Variants in GABRB1 observed in about 807,000 individuals in gnomAD.
The protein encoded by GABRB1 is gamma-aminobutyric acid receptor subunit beta-1.
A neutral mutation model predicts 51.6 loss-of-function variants in GABRB1; 17 were observed. That is an observed-to-expected ratio of 0.33 (90% CI 0.23 to 0.49). GABRB1 has a LOEUF of 0.49. GABRB1 is among the 20% of genes least tolerant of loss of function. The pLI is 0.99. For missense variants in GABRB1, 410 were observed against 600.6 expected (o/e 0.68, Z 3.32); for synonymous variants, 247 against 218.9 (o/e 1.13, Z -1.14).
chr4:47,294,851 C>A (rs1723906043), intron 4 of GABRB1, among the ~76,000 whole-genome samples: 1 of 152,340 alleles, frequency 6.6e-6, no homozygotes, highest in East Asian at 1.9e-4. Flanking sequence ...AACTGGGAGG[C>A]ACCCCACAGT....
intron 3 of GABRB1, among the ~76,000 whole-genome samples, chr4:47,038,503 A>AT (rs1005215473): frequency 3.3e-5 from 5 of 152,186 alleles, no homozygotes; most frequent in African/African-American, 9.7e-5. Flanking sequence ...TGAAGTAATA[A>AT]TTTTTTTAAC....
chr4:47,056,792 C>T lies in GABRB1; in HGVS notation c.240+24308C>T, dbSNP rs141689580. On this transcript the variant is annotated intron_variant, in intron 3 of 8. Transcript: ENST00000295454. ...ATGAGCGAAAGAGACAGAAAGAGAT[C>T]GTTATTGAGAAATCATCTATAAGAT... 7.9e-3 allele frequency among the ~76,000 whole-genome samples: 1,209 copies of T among 152,184 alleles called. 9 individuals are homozygous for T. Among genetic ancestry groups the T allele is most frequent in the Admixed American group, 0.016 (243 of 15,282 alleles).
At chr4:47,244,148 G>C (rs972877541) in intron 4 of GABRB1, among the ~76,000 whole-genome samples, 1 of 152,138 alleles carries the variant, frequency 6.6e-6, no homozygotes, top group East Asian at 1.9e-4. Flanking sequence ...TAATTATGTG[G>C]TTTTTGTCTT....
At chr4:47,028,230 A>G (rs1228723131), upstream of GABRB1, among the ~76,000 whole-genome samples, 1 of 151,740 alleles carries the variant, frequency 6.6e-6, no homozygotes, top group Non-Finnish European at 1.5e-5. Context: ...TATGGGGTAC[A>G]TGAGATGTTT....
At chr4:47,086,361 A>G in intron 3 of GABRB1, among the ~76,000 whole-genome samples, 1 of 152,312 alleles carries the variant, frequency 6.6e-6, no homozygotes, top group South Asian at 2.1e-4. Context: ...ATAATAATTG[A>G]TTATAAAATT....
intron 5 of GABRB1, among the ~76,000 whole-genome samples, chr4:47,369,237 G>A (rs1578127366): frequency 6.6e-6 from 1 of 152,170 alleles, no homozygotes; most frequent in Admixed American, 6.5e-5. Flanking sequence ...GTGGACAGAG[G>A]ATAGGACTGG....
chr4:47,137,573 A>G (rs1716726196), intron 3 of GABRB1, among the ~76,000 whole-genome samples: 1 of 152,152 alleles, frequency 6.6e-6, no homozygotes, highest in Non-Finnish European at 1.5e-5. Flanking sequence ...TTTTCTCTTT[A>G]GTTCAAAATA....
chr4:46,997,500 C>T (rs1289744293), intron 1 of GABRB1, among the ~76,000 whole-genome samples: 2 of 151,620 alleles, frequency 1.3e-5, no homozygotes, highest in African/African-American at 2.4e-5. Context: ...CTCCTAAATT[C>T]CCCCCTACCA....
intron 4 of GABRB1, among the ~76,000 whole-genome samples, chr4:47,248,270 A>G (rs1187953933): frequency 6.6e-6 from 1 of 152,112 alleles, no homozygotes; most frequent in East Asian, 1.9e-4. Flanking sequence ...GCATCTATTG[A>G]GATGATCATG....
At chr4:47,159,561 A>C (rs1348587686) in intron 3 of GABRB1, among the ~76,000 whole-genome samples, 1 of 151,938 alleles carries the variant, frequency 6.6e-6, no homozygotes, top group Non-Finnish European at 1.5e-5. Context: ...ATATCTTTAG[A>C]AAGGATATTG....
At chr4:47,168,883 C>T (rs953367019) in intron 4 of GABRB1, among the ~76,000 whole-genome samples, 12 of 152,034 alleles carry the variant, frequency 7.9e-5, no homozygotes, top group Non-Finnish European at 1.5e-4. Context: ...TTTCAGACCT[C>T]TCTTTTTGGT....
chr4:47,025,599 C>T (rs1021430433), intron 1 of GABRB1, among the ~76,000 whole-genome samples: 1 of 151,832 alleles, frequency 6.6e-6, no homozygotes, highest in African/African-American at 2.4e-5. Flanking sequence ...TTCTTTAAAT[C>T]TATCTTAAAA....
chr4:47,250,965 G>A (rs1300857913), intron 4 of GABRB1, among the ~76,000 whole-genome samples: 2 of 151,900 alleles, frequency 1.3e-5, no homozygotes, highest in Non-Finnish European at 2.9e-5. Context: ...GGTATTTCTT[G>A]GTTTGGATCC....
chr4:47,104,139 G>T (rs1577911400), intron 3 of GABRB1, among the ~76,000 whole-genome samples: 1 of 151,600 alleles, frequency 6.6e-6, no homozygotes, highest in African/African-American at 2.4e-5. Context: ...GTTTTCTCAA[G>T]ATTTTTGAGA....
At chr4:47,393,327 C>T (rs1416665191) in intron 5 of GABRB1, among the ~76,000 whole-genome samples, 5 of 152,052 alleles carry the variant, frequency 3.3e-5, no homozygotes, top group Non-Finnish European at 7.4e-5. Context: ...AAGCTCAGAG[C>T]CTAGTGGGGG....
intron 8 of GABRB1, among the ~76,000 whole-genome samples, chr4:47,413,082 A>G (rs1728811131): frequency 6.6e-6 from 1 of 152,240 alleles, no homozygotes; most frequent in Non-Finnish European, 1.5e-5. Flanking sequence ...CACAGCTGCC[A>G]GCATTCACCG....
At chr4:47,144,235 G>A (rs557146662) in intron 3 of GABRB1, among the ~76,000 whole-genome samples, 34 of 151,978 alleles carry the variant, frequency 2.2e-4, no homozygotes, top group Non-Finnish European at 4.9e-4. Context: ...TTAGGAGGTA[G>A]CTATTTTCCT....
chr4:47,116,714 G>C (rs1041287551), intron 3 of GABRB1, among the ~76,000 whole-genome samples: 5 of 151,996 alleles, frequency 3.3e-5, no homozygotes, highest in Non-Finnish European at 4.4e-5. Flanking sequence ...TTTTCTTTGG[G>C]CAAGTGTATT....
chr4:47,369,421 TTTTC>T (rs1237616926), intron 5 of GABRB1, among the ~76,000 whole-genome samples: 6 of 132,778 alleles, frequency 4.5e-5, no homozygotes, highest in Non-Finnish European at 9.7e-5. Flanking sequence ...TTCACTTTTC[TTTTC>T]TTTCTATTTA....
Sources: gnomAD v4.1 joint callset for allele counts (sites outside exome capture counted in the v4.1 genomes callset) on GRCh38, gnomAD v4.1.1 for gene constraint, MANE v1.5 for transcripts, NCBI Gene and HGNC (gene_info 2026-07-23, HGNC 2026-07-21) for gene names.